USP10: variants seen among roughly 807,000 people sequenced by gnomAD.
USP10 encodes the protein ubiquitin specific peptidase 10, also known as ubiquitin carboxyl-terminal hydrolase 10.
In USP10, 22 loss-of-function variants were observed where a neutral mutation model predicts 84.5. The observed-to-expected ratio is 0.26, with a 90% CI of 0.19 to 0.37. The LOEUF is 0.37. USP10 is among the 10% of genes least tolerant of loss of function. USP10 has a pLI of 1.00. For synonymous variants in USP10, 454 were observed against 387.6 expected (o/e 1.17, Z -2.01); for missense variants, 1,019 against 998.9 (o/e 1.02, Z -0.27).
rs576787642 is a variant in USP10 at position 84,715,071 on chromosome 16, G to A, written c.21+14960G>A. On this transcript the variant is annotated intron_variant, in intron 1 of 13. Coordinates refer to ENST00000219473, the MANE Select transcript of USP10 (RefSeq NM_005153.3). Reference sequence around the variant, plus strand: ...AGCCTCCTGAGTAGCTGGGACTACAGGCATGCACCACCATGCCTAGCTACT... The same window carrying A: ...AGCCTCCTGAGTAGCTGGGACTACAAGCATGCACCACCATGCCTAGCTACT... 3.3e-5 allele frequency among the ~76,000 whole-genome samples: 5 copies of A among 152,072 alleles called. No homozygotes were observed. The South Asian group carries it at 1.0e-3, about 32-fold the overall frequency.
At chr16:84,772,479 T>G in intron 11 of USP10, 62 bp from the exon 12 acceptor site, 2 of 1,599,764 alleles carry the variant, frequency 1.3e-6, no homozygotes, top group Non-Finnish European at 8.5e-7. Flanking sequence ...GGAAGGTGGA[T>G]GTGGTGTTAG....
chr16:84,753,049 C>T (rs963682313), intron 4 of USP10, among the ~76,000 whole-genome samples: 1 of 152,126 alleles, frequency 6.6e-6, no homozygotes, highest in Non-Finnish European at 1.5e-5. Context: ...TCACTGCAGC[C>T]TTGATCTCTC....
intron 2 of USP10, among the ~76,000 whole-genome samples, chr16:84,735,281 A>G (rs186907944): frequency 7.2e-4 from 110 of 151,830 alleles, no homozygotes; most frequent in Non-Finnish European, 1.3e-3. Context: ...TTTTTCCCAC[A>G]TCACACTGAT....
Position 84,772,506 on chromosome 16 carries a change from A to G in USP10, c.1999-35A>G, listed in dbSNP as rs373770197. On this transcript the variant is annotated intron_variant, in intron 11 of 13. Transcript: ENST00000219473. ...TGGTGTTAGCTGTTGCAAGTAAGAC[A>G]GGGACGGTGTGTCCTGGTGTGCTTT... The G allele has an allele frequency of 2.4e-5, 39 of 1,611,314 alleles. No homozygotes were observed. In the African/African-American group the frequency reaches 4.8e-4, roughly 20 times the overall value.
intron 1 of USP10, among the ~76,000 whole-genome samples, chr16:84,702,226 T>G (rs1904978943): frequency 6.6e-6 from 1 of 151,736 alleles, no homozygotes; most frequent in Admixed American, 6.6e-5. Context: ...CTGGCTAATT[T>G]TTTGTATTTT....
intron 10 of USP10, 57 bp from the exon 11 acceptor site, chr16:84,768,136 A>G: frequency 6.7e-7 from 1 of 1,496,394 alleles, no homozygotes; most frequent in Non-Finnish European, 9.0e-7. Flanking sequence ...GTTAATCTTA[A>G]GGGAAAGTGG....
At chr16:84,751,447 G>C (rs1246919111) in intron 4 of USP10, among the ~76,000 whole-genome samples, 2 of 152,224 alleles carry the variant, frequency 1.3e-5, no homozygotes, top group African/African-American at 4.8e-5. Context: ...CACAGGCAGT[G>C]GTCATGCGGC....
rs551592443 is a variant in USP10 at position 84,773,943 on chromosome 16, A to G, written c.2144-1217A>G. On this transcript the variant is annotated intron_variant, in intron 12 of 13. Transcript: ENST00000219473. Reference sequence around the variant, plus strand: ...TTATATCCGCTGCCACCTCCAATACATTATCAAAATATGACATAAATGGGG... The same window carrying G: ...TTATATCCGCTGCCACCTCCAATACGTTATCAAAATATGACATAAATGGGG... Among the ~76,000 whole-genome samples the G allele has an allele frequency of 1.6e-4, 24 of 152,224 alleles. No homozygotes were observed. The South Asian group carries it at 4.8e-3, about 30-fold the overall frequency.
chr16:84,710,621 A>G (rs1282940544), intron 1 of USP10, among the ~76,000 whole-genome samples: 1 of 152,210 alleles, frequency 6.6e-6, no homozygotes, highest in Non-Finnish European at 1.5e-5. Flanking sequence ...CGTAGAAAAT[A>G]TTAAGGAAAA....
intron 1 of USP10, among the ~76,000 whole-genome samples, chr16:84,731,885 C>A (rs1233574759): frequency 2.0e-5 from 3 of 151,720 alleles, no homozygotes; most frequent in African/African-American, 4.8e-5. Context: ...ATCATCTTTT[C>A]CCAGTGTTGG....
chr16:84,721,524 G>A (rs914395896), intron 1 of USP10, among the ~76,000 whole-genome samples: 14 of 152,070 alleles, frequency 9.2e-5, no homozygotes, highest in African/African-American at 3.4e-4. Context: ...TTTGCAGTTC[G>A]AGGTTTTTTG....
intron 11 of USP10, among the ~76,000 whole-genome samples, chr16:84,771,244 A>G (rs1005298078): frequency 1.2e-4 from 19 of 152,200 alleles, no homozygotes; most frequent in African/African-American, 4.6e-4. Flanking sequence ...GATAAAACTC[A>G]TGATTAGAAT....
At chr16:84,701,441 G>T (rs1904844441) in intron 1 of USP10, among the ~76,000 whole-genome samples, 1 of 152,116 alleles carries the variant, frequency 6.6e-6, no homozygotes, top group Non-Finnish European at 1.5e-5. Context: ...GATTTTAAGA[G>T]ATTTGGTGTA....
intron 13 of USP10, among the ~76,000 whole-genome samples, chr16:84,777,794 G>C (rs1192258010): frequency 1.3e-5 from 2 of 152,230 alleles, no homozygotes; most frequent in Non-Finnish European, 2.9e-5. Flanking sequence ...TTTTAGTGCT[G>C]AAATTCCCTA....
intron 4 of USP10, among the ~76,000 whole-genome samples, chr16:84,748,405 G>A (rs918272158): frequency 2.6e-5 from 4 of 151,858 alleles, no homozygotes; most frequent in African/African-American, 9.7e-5. Context: ...CTGGGTTCAG[G>A]CAATTCTCCT....
chr16:84,772,645 C>T lies in USP10; in HGVS notation c.2103C>T (p.Ile701=). 6.2e-7 allele frequency: 1 copy of T among 1,613,942 alleles called. No individual in the cohort carries two copies. Residue 701 remains isoleucine, a synonymous_variant, in exon 12 of 14, where the codon ATC becomes ATT. Transcript: ENST00000219473. ...AGACTGGTGGGTGCCAGAAGCTTAT[C>T]AAAAATATTGAATATCCTGTGGACT... ...YEKTGGCQKL[I]KNIEYPVDLE...
intron 10 of USP10, among the ~76,000 whole-genome samples, chr16:84,764,694 G>C (rs12933163): frequency 0.23 from 34,810 of 151,886 alleles, 4,748 homozygotes; most frequent in East Asian, 0.38. Context: ...AACCAGGTGT[G>C]GTGACAGGCA....
chr16:84,737,648 G>A (rs1910103617), intron 2 of USP10, among the ~76,000 whole-genome samples: 1 of 152,216 alleles, frequency 6.6e-6, no homozygotes, highest in African/African-American at 2.4e-5. Context: ...GGAGTTTGCT[G>A]GTGGTCGTCT....
intron 4 of USP10, 142 bp downstream of exon 4, chr16:84,745,815 TG>T: frequency 1.1e-6 from 1 of 897,090 alleles, no homozygotes; most frequent in Non-Finnish European, 1.7e-6. Flanking sequence ...ATGTCTTAAA[TG>T]TTCTCTAAAA....
Sources: gnomAD v4.1 joint callset for allele counts (sites outside exome capture counted in the v4.1 genomes callset) on GRCh38, gnomAD v4.1.1 for gene constraint, MANE v1.5 for transcripts, NCBI Gene and HGNC (gene_info 2026-07-23, HGNC 2026-07-21) for gene names.